LRRFIP1: variants seen among roughly 807,000 people sequenced by gnomAD.
The protein encoded by LRRFIP1 is leucine-rich repeat flightless-interacting protein 1.
Under a neutral mutation model 104.4 loss-of-function variants are expected in LRRFIP1, and 62 were observed. The observed-to-expected ratio is 0.59, with a 90% confidence interval of 0.48 to 0.73. The LOEUF is 0.73. Ranked by LOEUF, LRRFIP1 falls within the 30% of genes least tolerant of loss-of-function variation. The pLI, the probability that LRRFIP1 is intolerant of heterozygous loss-of-function variation, is 0.00. For missense variants in LRRFIP1, 796 were observed against 824.5 expected (o/e 0.97, Z 0.42); for synonymous variants, 300 against 299.0 (o/e 1.00, Z -0.03).
chr2:237,715,713 A>C (rs911146167), intron 3 of LRRFIP1, among the ~76,000 whole-genome samples: 1 of 152,224 alleles, frequency 6.6e-6, no homozygotes, highest in Non-Finnish European at 1.5e-5. Flanking sequence ...GCTTTGCGGA[A>C]CAGTTTCTCT....
chr2:237,670,290 G>A (rs984998496), intron 1 of LRRFIP1, among the ~76,000 whole-genome samples: 5 of 152,206 alleles, frequency 3.3e-5, no homozygotes, highest in Non-Finnish European at 5.9e-5. Context: ...CCTTGGGCAG[G>A]TCACTGGTCA....
At chr2:237,662,759 T>A (rs2088267308) in intron 1 of LRRFIP1, among the ~76,000 whole-genome samples, 1 of 152,084 alleles carries the variant, frequency 6.6e-6, no homozygotes, top group Non-Finnish European at 1.5e-5. Flanking sequence ...GGGACTTGAC[T>A]CCAGAGGCGG....
chr2:237,734,247 A>T (rs2095148304), intron 9 of LRRFIP1, among the ~76,000 whole-genome samples: 1 of 149,586 alleles, frequency 6.7e-6, no homozygotes, highest in African/African-American at 2.5e-5. Context: ...AAATACTCAA[A>T]GTAGCTATAT....
intron 11 of LRRFIP1, among the ~76,000 whole-genome samples, chr2:237,747,689 A>C (rs2058056001): frequency 6.6e-6 from 1 of 152,206 alleles, no homozygotes; most frequent in Non-Finnish European, 1.5e-5. Flanking sequence ...ATTTTCTGAC[A>C]ATCAAAGTGA....
rs118182500 is a variant in LRRFIP1 at position 237,767,457 on chromosome 2, T to C, written c.1460-2486T>C. Among the ~76,000 whole-genome samples, 44 of 152,336 alleles carry C rather than the reference T, an allele frequency of 2.9e-4. No individual in the cohort carries two copies. In the East Asian group the frequency reaches 7.7e-3, roughly 27 times the overall value. ...AGAACATAGCTCCCGTATATAAATG[T>C]AAATCTTCCTTCAAAAGTATAATTA... is the stretch of plus-strand genomic sequence containing the variant. On this transcript the variant is annotated intron_variant, in intron 19 of 23. Transcript: ENST00000308482.
intron 1 of LRRFIP1, among the ~76,000 whole-genome samples, chr2:237,635,331 AG>A (rs1371122341): frequency 6.6e-6 from 1 of 152,226 alleles, no homozygotes; most frequent in Non-Finnish European, 1.5e-5. Context: ...CAGAAAATAA[AG>A]ATAGCATGCT....
chr2:237,675,276 G>C (rs529596968), intron 1 of LRRFIP1, among the ~76,000 whole-genome samples: 2 of 152,188 alleles, frequency 1.3e-5, no homozygotes, highest in Non-Finnish European at 2.9e-5. Context: ...CACCTGTTTA[G>C]GGGCTGCCTG....
intron 1 of LRRFIP1, among the ~76,000 whole-genome samples, chr2:237,656,270 A>T (rs1204854177): frequency 6.6e-6 from 1 of 152,244 alleles, no homozygotes; most frequent in Non-Finnish European, 1.5e-5. Context: ...TCTTGTCTTT[A>T]TGCAATTCAG....
intron 1 of LRRFIP1, among the ~76,000 whole-genome samples, chr2:237,632,608 A>G (rs1467938977): frequency 6.6e-6 from 1 of 152,102 alleles, no homozygotes; most frequent in Non-Finnish European, 1.5e-5. Context: ...TAGCCCTCCT[A>G]TATCAACCTG....
At chr2:237,683,892 C>T (rs2092096808) in intron 1 of LRRFIP1, among the ~76,000 whole-genome samples, 1 of 152,202 alleles carries the variant, frequency 6.6e-6, no homozygotes, top group African/African-American at 2.4e-5. Flanking sequence ...GTACCTTAAA[C>T]TTCTCTGTAT....
chr2:237,742,812 G>C (rs1250458200), intron 11 of LRRFIP1, among the ~76,000 whole-genome samples: 1 of 152,158 alleles, frequency 6.6e-6, no homozygotes, highest in African/African-American at 2.4e-5. Context: ...CCTGGTGTAA[G>C]CGTGGTGGCA....
chr2:237,681,394 T>C (rs941721250), intron 1 of LRRFIP1, among the ~76,000 whole-genome samples: 1 of 151,962 alleles, frequency 6.6e-6, no homozygotes, highest in Admixed American at 6.6e-5. Context: ...TGAGATGGAG[T>C]CTCGTTCTGT....
intron 13 of LRRFIP1, among the ~76,000 whole-genome samples, chr2:237,750,788 G>C (rs2058531978): frequency 6.6e-6 from 1 of 152,168 alleles, no homozygotes; most frequent in South Asian, 2.1e-4. Flanking sequence ...ATTTGGCAAA[G>C]TAGAGACTTG....
Position 237,711,085 on chromosome 2 carries a change from A to G in LRRFIP1, c.183+2455A>G, listed in dbSNP as rs1357039035. On this transcript the variant is annotated intron_variant, in intron 2 of 23. Coordinates refer to ENST00000308482, the MANE Select transcript of LRRFIP1 (RefSeq NM_001137550.2). This position sits in a 1 kb window ranked among gnomAD's most constrained non-coding sequence, Gnocchi z 4.4. ...GAGACCCCTATCTCTTTCAAAAAGTAAAAAAATAAAAAGTAGTTGCTACTC... is the reference window on the plus strand; with the variant it reads ...GAGACCCCTATCTCTTTCAAAAAGTGAAAAAATAAAAAGTAGTTGCTACTC... Among the ~76,000 whole-genome samples, 1 of 152,178 alleles carries G rather than the reference A, an allele frequency of 6.6e-6. No homozygotes were observed. The highest frequency in any genetic ancestry group is 1.5e-5 in the Non-Finnish European group (1 of 68,028).
chr2:237,728,758 G>T (rs962589519), intron 8 of LRRFIP1, among the ~76,000 whole-genome samples: 22 of 151,604 alleles, frequency 1.5e-4, no homozygotes, highest in African/African-American at 5.3e-4. Flanking sequence ...GTTATATTAA[G>T]ATATCATGTG....
At chr2:237,745,594 GC>G (rs1293256107) in intron 11 of LRRFIP1, among the ~76,000 whole-genome samples, 1 of 151,938 alleles carries the variant, frequency 6.6e-6, no homozygotes, top group Non-Finnish European at 1.5e-5. Context: ...TTAAAGCCCT[GC>G]CCCCCCAAAA....
At position 237,703,352 on chromosome 2, in the gene LRRFIP1, G is replaced by A. The variant is rs924063741; in HGVS notation, c.97-5192G>A. 1.5e-4 allele frequency among the ~76,000 whole-genome samples: 23 copies of A among 152,112 alleles called. No individual in the cohort carries two copies. Among genetic ancestry groups the A allele is most frequent in the African/African-American group, 5.1e-4 (21 of 41,390 alleles). ...AAGCAGCCTGTCAACTCACTTCCTT[G>A]GTTTCCTGTTGCTCTTCCCACCCCA... is the stretch of plus-strand genomic sequence containing the variant. On this transcript the variant is annotated intron_variant, in intron 1 of 23. Coordinates refer to ENST00000308482, the MANE Select transcript of LRRFIP1 (RefSeq NM_001137550.2). This position sits in a 1 kb window ranked among gnomAD's most constrained non-coding sequence, Gnocchi z 4.3.
chr2:237,640,132 G>A (rs114768057), intron 1 of LRRFIP1, among the ~76,000 whole-genome samples: 1,643 of 152,216 alleles, frequency 0.011, 14 homozygotes, highest in Middle Eastern at 0.041. Flanking sequence ...CATTCTTGGC[G>A]TTTCCTGCAT....
intron 1 of LRRFIP1, among the ~76,000 whole-genome samples, chr2:237,641,514 A>T (rs919825764): frequency 1.3e-5 from 2 of 151,586 alleles, no homozygotes; most frequent in African/African-American, 4.9e-5. Flanking sequence ...AAAAAAAAAA[A>T]ATTGTGTTCC....
Sources: allele counts gnomAD v4.1 joint callset (sites outside exome capture counted in the v4.1 genomes callset), GRCh38; gene constraint gnomAD v4.1.1; non-coding constraint Gnocchi (gnomAD v3.1); transcripts MANE v1.5; gene names NCBI Gene and HGNC (gene_info 2026-07-23, HGNC 2026-07-21).